PSMA3: variants seen among roughly 807,000 people sequenced by gnomAD.
PSMA3 encodes the protein proteasome 20S subunit alpha 3.
PSMA3 carries 8 observed loss-of-function variants against 40.0 expected under a neutral mutation model. The observed-to-expected ratio is 0.20, with a 90% CI of 0.12 to 0.36. PSMA3 has a LOEUF of 0.36. Ranked by LOEUF, PSMA3 falls within the 10% of genes least tolerant of loss-of-function variation. The pLI is 1.00. For missense variants in PSMA3, 219 were observed against 310.6 expected (o/e 0.70, Z 2.22); for synonymous variants, 110 against 100.0 (o/e 1.10, Z -0.59).
chr14:58,271,778 G>A (rs927446822), intron 10 of PSMA3, 73 bp from the exon 11 acceptor site: 9 of 1,081,768 alleles, frequency 8.3e-6, no homozygotes, highest in Admixed American at 1.9e-5. Context: ...GGTTGTTGTA[G>A]CTTAACTTGC....
chr14:58,271,971 A>G lies in PSMA3; in HGVS notation c.*76A>G. 9.3e-7 allele frequency: 1 copy of G among 1,080,788 alleles called. No individual in the cohort carries two copies. Among genetic ancestry groups the G allele is most frequent in the African/African-American group, 1.6e-5 (1 of 63,004 alleles). 66.9% of individuals were successfully genotyped at this position (1,080,788 alleles called of 1,614,324 possible). A position where few individuals can be genotyped will look rare whatever the true frequency, so the allele number is the denominator to read the frequency against. On this transcript the variant is annotated 3_prime_UTR_variant, in exon 11 of 11. Transcript: ENST00000216455. ...AACTATTTAGCCCTGGATTATACAT[A>G]CTGTCCAATTTTCATTAAATTTTTG...
intron 3 of PSMA3, among the ~76,000 whole-genome samples, chr14:58,257,354 C>T (rs1363879871): frequency 1.3e-5 from 2 of 151,382 alleles, no homozygotes; most frequent in African/African-American, 4.9e-5. Flanking sequence ...AAAAATTAGC[C>T]GGGCGTGGTG....
intron 9 of PSMA3, 28 bp downstream of exon 9, chr14:58,270,513 C>T: frequency 2.5e-6 from 4 of 1,613,168 alleles, no homozygotes; most frequent in Non-Finnish European, 3.4e-6. Flanking sequence ...ATTTATTTGC[C>T]TTAGGAATGA....
At chr14:58,247,932 C>T (rs1889915119) in intron 2 of PSMA3, 100 bp downstream of exon 2, 2 of 699,438 alleles carry the variant, frequency 2.9e-6, no homozygotes, top group Admixed American at 6.3e-5. Context: ...TAGTATATGT[C>T]CCCAAATCTC....
At chr14:58,266,518 C>A (rs1890448088) in intron 7 of PSMA3, 1 of 152,202 alleles carries the variant, frequency 6.6e-6, no homozygotes, top group Non-Finnish European at 1.5e-5. Flanking sequence ...ACTATCAAAA[C>A]CCAACAACAT....
Position 58,260,908 on chromosome 14 carries a change from T to C in PSMA3, c.405-40T>C, listed in dbSNP as rs576769026. On this transcript the variant is annotated intron_variant, in intron 5 of 10. Coordinates refer to ENST00000216455, the MANE Select transcript of PSMA3 (RefSeq NM_002788.4). Reference sequence around the variant, plus strand: ...TAATTTTTTCACAAATACTTTTATGTTATTGCCATGGTTTAAGCTGTTTGT... The same window carrying C: ...TAATTTTTTCACAAATACTTTTATGCTATTGCCATGGTTTAAGCTGTTTGT... 1.1e-5 allele frequency: 16 copies of C among 1,396,878 alleles called. No homozygotes were observed. In the South Asian group the frequency reaches 1.9e-4, roughly 17 times the overall value. The allele number at this position is 1,396,878 out of a possible 1,614,324, so 86.5% of individuals were successfully genotyped here.
intron 8 of PSMA3, chr14:58,268,942 TTTTTTTTTTTGAGATGGAGTCTCACTC>T (rs1173702389): frequency 6.8e-6 from 1 of 147,866 alleles, no homozygotes; most frequent in Non-Finnish European, 1.5e-5. Context: ...ATTTGATACT[TTTTTTTTTTTGAGATGGAGTCTCACTC>T]TGTCGTCCAG....
intron 2 of PSMA3, 100 bp downstream of exon 2, chr14:58,247,932 C>G (rs1889915119): frequency 1.4e-6 from 1 of 699,436 alleles, no homozygotes; most frequent in African/African-American, 1.8e-5. Context: ...TAGTATATGT[C>G]CCCAAATCTC....
chr14:58,261,474 C>T (rs939850288), intron 6 of PSMA3, among the ~76,000 whole-genome samples: 1 of 152,106 alleles, frequency 6.6e-6, no homozygotes, highest in Non-Finnish European at 1.5e-5. Context: ...CCACCAGGCC[C>T]AGCCATGTTT....
chr14:58,263,561 C>T (rs972065776), intron 6 of PSMA3, 144 bp from the exon 7 acceptor site: 2 of 571,388 alleles, frequency 3.5e-6, no homozygotes, highest in Non-Finnish European at 6.0e-6. Flanking sequence ...TGGCATTCAT[C>T]AGAATGTGTT....
At chr14:58,265,621 C>T (rs1417988734) in intron 7 of PSMA3, 1 of 152,232 alleles carries the variant, frequency 6.6e-6, no homozygotes, top group Non-Finnish European at 1.5e-5. Context: ...AATCCATCTG[C>T]TGACCCCTGC....
intron 2 of PSMA3, among the ~76,000 whole-genome samples, chr14:58,251,459 T>A (rs1057221517): frequency 2.6e-5 from 4 of 152,154 alleles, no homozygotes; most frequent in Non-Finnish European, 5.9e-5. Flanking sequence ...CTAAGCCAGG[T>A]TTCGCCATGT....
At position 58,254,340 on chromosome 14, in the gene PSMA3, A is replaced by ATATATATATATATATATATGTATGTATG; in HGVS notation, c.228+2101_228+2102insATATATATATATATATGTATGTATGTAT. 1.7e-4 allele frequency among the ~76,000 whole-genome samples: 6 copies of ATATATATATATATATATATGTATGTATG among 34,798 alleles called. 1 individual carries two copies. Among genetic ancestry groups the ATATATATATATATATATATGTATGTATG allele is most frequent in the Admixed American group, 3.9e-4 (1 of 2,538 alleles). The allele number at this position is 34,798 out of a possible 152,430, so 22.8% of individuals were successfully genotyped here. On this transcript the variant is annotated intron_variant, in intron 3 of 10. Coordinates refer to ENST00000216455, the MANE Select transcript of PSMA3 (RefSeq NM_002788.4). ...TGAAAAAAATTATGCATGCATATATATATGTATGTACACACACACAGAGGT... is the reference window on the plus strand; with the variant it reads ...TGAAAAAAATTATGCATGCATATATATATATATATATATATATATGTATGTATGTATGTATGTACACACACACAGAGGT...
At chr14:58,249,947 C>A (rs944800408) in intron 2 of PSMA3, among the ~76,000 whole-genome samples, 11 of 152,046 alleles carry the variant, frequency 7.2e-5, no homozygotes, top group Admixed American at 2.6e-4. Context: ...TCCTGCTGGG[C>A]GTGAGCCACG....
Position 58,247,674 on chromosome 14 carries a change from G to T in PSMA3, c.22-76G>T, listed in dbSNP as rs2140077699. On this transcript the variant is annotated intron_variant, in intron 1 of 10. Transcript: ENST00000216455. ...GATATAACAGGTTCCTGATGTTTCA[G>T]CCATTTAGAGGGGAAGAAACTGTAT... The T allele has an allele frequency of 1.1e-5, 11 of 958,204 alleles. No individual in the cohort carries two copies. In the South Asian group the frequency reaches 1.4e-4, roughly 12 times the overall value. 59.4% of individuals were successfully genotyped at this position (958,204 alleles called of 1,614,324 possible). A position where few individuals can be genotyped will look rare whatever the true frequency, so the allele number is the denominator to read the frequency against.
chr14:58,263,491 C>G, intron 6 of PSMA3: 1 of 397,454 alleles, frequency 2.5e-6, no homozygotes, highest in Non-Finnish European at 4.5e-6. Flanking sequence ...TTGGATATAC[C>G]TTTATTAAAA....
chr14:58,263,350 T>C (rs1050649889), intron 6 of PSMA3, among the ~76,000 whole-genome samples: 4 of 152,178 alleles, frequency 2.6e-5, no homozygotes, highest in Admixed American at 6.5e-5. Flanking sequence ...ACTGAACTCA[T>C]AGGAATTAAC....
chr14:58,269,573 C>T (rs956954683), intron 8 of PSMA3: 9 of 151,710 alleles, frequency 5.9e-5, no homozygotes, highest in African/African-American at 1.9e-4. Flanking sequence ...GTTGGGACTA[C>T]AGGCCTATGG....
At chr14:58,271,726 G>C in intron 10 of PSMA3, 125 bp from the exon 11 acceptor site, 1 of 687,070 alleles carries the variant, frequency 1.5e-6, no homozygotes, top group Non-Finnish European at 2.6e-6. Context: ...TTCTGAAACT[G>C]TTCATTCAGT....
Sources: gnomAD v4.1 joint callset for allele counts (sites outside exome capture counted in the v4.1 genomes callset) on GRCh38, gnomAD v4.1.1 for gene constraint, MANE v1.5 for transcripts, NCBI Gene and HGNC (gene_info 2026-07-23, HGNC 2026-07-21) for gene names.